The following CCDC171 variants were observed in gnomAD, a reference collection of about 807,000 sequenced individuals.
CCDC171 encodes coiled-coil domain-containing protein 171.
A neutral mutation model predicts 168.2 loss-of-function variants in CCDC171; 177 were observed. The observed-to-expected ratio is 1.05, with a 90% confidence interval of 0.93 to 1.19. The LOEUF is 1.19. Among genes scored for constraint, CCDC171 ranks in the 50% most tolerant of loss-of-function variants. CCDC171 has a pLI of 0.00. For missense variants in CCDC171, 1,991 were observed against 1,539.0 expected (o/e 1.29, Z -4.91); for synonymous variants, 687 against 540.8 (o/e 1.27, Z -3.75).
Position 15,571,660 on chromosome 9 carries a change from TA to T in CCDC171, c.83del (p.Asn28MetfsTer23). On this transcript the variant is annotated frameshift_variant, in exon 3 of 26. Transcript: ENST00000380701. LOFTEE classifies it high-confidence loss of function. ...CCTCATTGGATGTAAAACAAATACTTAAAAATGAAACAGAGTTGGATATTAC... is the reference window on the plus strand; with the variant it reads ...CCTCATTGGATGTAAAACAAATACTTAAAATGAAACAGAGTTGGATATTAC... The part of the protein sequence containing the change: ...IASLDVKQIL[K>X]NETELDITDN... 2 of 1,569,030 alleles carry T rather than the reference TA, an allele frequency of 1.3e-6. No homozygotes were observed. Among genetic ancestry groups the T allele is most frequent in the Non-Finnish European group, 1.7e-6 (2 of 1,165,074 alleles).
chr9:15,959,174 T>C (rs1830112288), intron 25 of CCDC171, among the ~76,000 whole-genome samples: 1 of 152,122 alleles, frequency 6.6e-6, no homozygotes, highest in African/African-American at 2.4e-5. Context: ...GCTGAATAGC[T>C]TTGTGTTTTA....
intron 2 of CCDC171, among the ~76,000 whole-genome samples, chr9:15,566,306 C>G (rs2039721500): frequency 6.6e-6 from 1 of 151,846 alleles, no homozygotes; most frequent in Non-Finnish European, 1.5e-5. Context: ...GCCTGTAATC[C>G]CAGCACTTTG....
intron 11 of CCDC171, among the ~76,000 whole-genome samples, chr9:15,720,280 T>G (rs1005085696): frequency 6.6e-6 from 1 of 152,126 alleles, no homozygotes; most frequent in Non-Finnish European, 1.5e-5. Flanking sequence ...ATTACTGCCT[T>G]CCCCCACTTC....
In CCDC171 at chr9:16,047,195, A is replaced by G. The variant is rs548074073; in HGVS notation, n.89+4309A>G. Among the ~76,000 whole-genome samples the G allele has an allele frequency of 1.8e-3, 272 of 152,180 alleles. 1 individual carries two copies. Among genetic ancestry groups the G allele is most frequent in the Non-Finnish European group, 2.9e-3 (195 of 68,000 alleles). On this transcript the variant is annotated intron_variant and non_coding_transcript_variant, in intron 1 of 1. Coordinates refer to the CCDC171 transcript ENST00000478913. Reference sequence around the variant, plus strand: ...TGAGTGGGGGTGGCATTTTCATCCAAATGTCTTCTGGGTACCTTGAACTCA... The same window carrying G: ...TGAGTGGGGGTGGCATTTTCATCCAGATGTCTTCTGGGTACCTTGAACTCA...
At chr9:15,915,364 G>T (rs1456655451) in intron 24 of CCDC171, among the ~76,000 whole-genome samples, 2 of 150,166 alleles carry the variant, frequency 1.3e-5, no homozygotes, top group African/African-American at 4.9e-5. Context: ...TATTCCTAGT[G>T]TTTTTTTTTA....
intron 6 of CCDC171, among the ~76,000 whole-genome samples, chr9:16,026,699 AG>A (rs1449427334): frequency 6.6e-6 from 1 of 152,214 alleles, no homozygotes; most frequent in African/African-American, 2.4e-5. Context: ...ATGACAGTTA[AG>A]GGGTTACTGG....
chr9:15,605,602 G>A (rs1320985200), intron 6 of CCDC171, among the ~76,000 whole-genome samples: 2 of 149,412 alleles, frequency 1.3e-5, no homozygotes, highest in East Asian at 2.0e-4. Context: ...CAGGAGAATC[G>A]CTTGAACCCA....
At chr9:15,689,024 A>G (rs2050603120) in intron 10 of CCDC171, among the ~76,000 whole-genome samples, 1 of 152,240 alleles carries the variant, frequency 6.6e-6, no homozygotes, top group East Asian at 1.9e-4. Context: ...TGTAGGATAC[A>G]ATACAATATC....
chr9:16,045,191 A>T (rs1484258466), intron 1 of CCDC171, among the ~76,000 whole-genome samples: 1 of 152,170 alleles, frequency 6.6e-6, no homozygotes, highest in African/African-American at 2.4e-5. Flanking sequence ...CCCTGAGACA[A>T]TGATTTGAGT....
chr9:16,005,392 T>C (rs1832666703), intron 3 of CCDC171, among the ~76,000 whole-genome samples: 1 of 152,226 alleles, frequency 6.6e-6, no homozygotes, highest in Non-Finnish European at 1.5e-5. Flanking sequence ...TGTTCATCCA[T>C]TCATCAGTTG....
chr9:15,930,930 A>G (rs1301809238), intron 25 of CCDC171, among the ~76,000 whole-genome samples: 1 of 151,690 alleles, frequency 6.6e-6, no homozygotes, highest in East Asian at 1.9e-4. Context: ...TAGTGTATCC[A>G]TAATCTCATG....
intron 6 of CCDC171, chr9:16,023,008 A>G (rs1833204731): frequency 6.6e-6 from 1 of 152,216 alleles, no homozygotes; most frequent in South Asian, 2.1e-4. Context: ...GTGTTTCCCA[A>G]GCACTATGCC....
the CCDC171 span, among the ~76,000 whole-genome samples, chr9:16,095,299 C>T: frequency 6.6e-6 from 1 of 152,120 alleles, no homozygotes; most frequent in South Asian, 2.1e-4. Flanking sequence ...CTTTGCAGAA[C>T]CTACATTCAC....
intron 7 of CCDC171, among the ~76,000 whole-genome samples, chr9:15,643,225 T>C (rs2046779136): frequency 6.6e-6 from 1 of 152,144 alleles, no homozygotes; most frequent in Admixed American, 6.5e-5. Flanking sequence ...GGCTAGACTT[T>C]TTTTTGACTT....
At chr9:15,555,903 A>C (rs1181200896) in intron 1 of CCDC171, among the ~76,000 whole-genome samples, 1 of 151,920 alleles carries the variant, frequency 6.6e-6, no homozygotes, top group African/African-American at 2.4e-5. Context: ...CTCGTTGTTC[A>C]ATTCCTACCT....
intron 11 of CCDC171, among the ~76,000 whole-genome samples, chr9:15,710,469 A>T (rs899076850): frequency 3.3e-5 from 5 of 151,702 alleles, no homozygotes; most frequent in Admixed American, 3.3e-4. Flanking sequence ...TGCCCCGCTA[A>T]TTTTTTTGTG....
intron 7 of CCDC171, among the ~76,000 whole-genome samples, chr9:15,655,071 TA>T (rs1452541543): frequency 2.0e-5 from 3 of 151,948 alleles, no homozygotes; most frequent in Non-Finnish European, 4.4e-5. Context: ...TTAGGAGATA[TA>T]CCTAATGTTA....
chr9:15,926,798 A>T (rs735962), intron 25 of CCDC171, among the ~76,000 whole-genome samples: 76,523 of 151,444 alleles, frequency 0.51, 20,208 homozygotes, highest in African/African-American at 0.67. Context: ...TCTGATAGTT[A>T]TATGTATTTC....
At chr9:15,990,016 C>G (rs1832133598) in intron 3 of CCDC171, among the ~76,000 whole-genome samples, 1 of 152,134 alleles carries the variant, frequency 6.6e-6, no homozygotes, top group Non-Finnish European at 1.5e-5. Context: ...AGGATATTAT[C>G]CAGGAGAACT....
Sources: gnomAD v4.1 joint callset for allele counts (sites outside exome capture counted in the v4.1 genomes callset) on GRCh38, gnomAD v4.1.1 for gene constraint, MANE v1.5 for transcripts, NCBI Gene and HGNC (gene_info 2026-07-23, HGNC 2026-07-21) for gene names.